Variants in GAPVD1 observed in about 807,000 individuals in gnomAD.
GAPVD1 encodes the protein GTPase-activating protein and VPS9 domain-containing protein 1.
Under a neutral mutation model 155.5 loss-of-function variants are expected in GAPVD1, and 35 were observed. The ratio of observed to expected loss-of-function variants is 0.23; its 90% CI spans 0.17 to 0.30. The LOEUF is 0.30. GAPVD1 is among the 10% of genes least tolerant of loss of function. GAPVD1 has a pLI of 1.00. For missense variants in GAPVD1, 1,429 were observed against 1,775.7 expected (o/e 0.80, Z 3.51); for synonymous variants, 636 against 619.7 (o/e 1.03, Z -0.39).
At chr9:125,298,373 C>T (rs1840216801) in intron 3 of GAPVD1, among the ~76,000 whole-genome samples, 1 of 150,742 alleles carries the variant, frequency 6.6e-6, no homozygotes, top group South Asian at 2.1e-4. Context: ...TTTCTTTTTG[C>T]TTATCTGTAT....
At position 125,366,127 on chromosome 9, in the gene GAPVD1, A is replaced by T. The variant is rs185353097; in HGVS notation, c.*3381A>T. On this transcript the variant is annotated 3_prime_UTR_variant, in exon 28 of 28. Transcript: ENST00000297933. ...GGCTCAGGTTTTCTAAGGGATTGCA[A>T]ATGTGCTGCATGGTTTTTCTATTCC... is the stretch of plus-strand genomic sequence containing the variant. 7.4e-4 allele frequency: 112 copies of T among 152,276 alleles called. 1 individual carries two copies. The highest frequency in any genetic ancestry group is 2.6e-3 in the African/African-American group (107 of 41,556). The allele number at this position is 152,276 out of a possible 1,614,324, so 9.4% of individuals were successfully genotyped here. A position where few individuals can be genotyped will look rare whatever the true frequency, so the allele number is the denominator to read the frequency against.
At chr9:125,309,354 G>A (rs1289937997) in intron 8 of GAPVD1, 2 of 150,904 alleles carry the variant, frequency 1.3e-5, no homozygotes, top group African/African-American at 4.9e-5. Context: ...TTTTTTTTGA[G>A]ATGGAGTCCC....
rs1393939922 is a variant in GAPVD1, at chr9:125,299,306, A to G, written c.185+200A>G. Among the ~76,000 whole-genome samples the G allele has an allele frequency of 2.0e-5, 3 of 152,218 alleles. No individual in the cohort carries two copies. In the East Asian group the frequency reaches 5.8e-4, roughly 29 times the overall value. ...CTTAGGCACTTTTATAGAAAATTGT[A>G]ACTTAAGCATTGACATTTTATATCA... is the stretch of plus-strand genomic sequence containing the variant. On this transcript the variant is annotated intron_variant, in intron 4 of 27. Transcript: ENST00000297933.
At chr9:125,308,208 T>G in intron 8 of GAPVD1, 1 of 354,434 alleles carries the variant, frequency 2.8e-6, no homozygotes, top group Non-Finnish European at 5.1e-6. Context: ...CAGCCTGGTG[T>G]GGTGGCACGT....
chr9:125,283,637 A>T (rs1250010548), intron 2 of GAPVD1, among the ~76,000 whole-genome samples: 1 of 152,100 alleles, frequency 6.6e-6, no homozygotes. Flanking sequence ...TGTTGGGATT[A>T]TAGGTCTGAG....
intron 2 of GAPVD1, among the ~76,000 whole-genome samples, chr9:125,288,591 G>A (rs1047985757): frequency 5.9e-5 from 9 of 151,586 alleles, no homozygotes; most frequent in African/African-American, 1.7e-4. Context: ...TCCCCAGGGT[G>A]GTCTTGAATT....
At chr9:125,264,984 G>A (rs1452491185) in intron 1 of GAPVD1, among the ~76,000 whole-genome samples, 1 of 152,140 alleles carries the variant, frequency 6.6e-6, no homozygotes. Flanking sequence ...CCCCCAGAGT[G>A]CTAGGATTAT....
chr9:125,265,900 C>G, intron 1 of GAPVD1, among the ~76,000 whole-genome samples: 1 of 134,464 alleles, frequency 7.4e-6, no homozygotes, highest in Non-Finnish European at 1.6e-5. Context: ...AGACCCCTGT[C>G]TCTATTAAAA....
chr9:125,342,119 C>A, intron 18 of GAPVD1, 100 bp from the exon 19 acceptor site: 2 of 649,616 alleles, frequency 3.1e-6, no homozygotes, highest in Non-Finnish European at 5.5e-6. Flanking sequence ...AGCTTTTAAA[C>A]TTTTCAGCCT....
chr9:125,332,175 A>G, intron 14 of GAPVD1, 115 bp downstream of exon 14: 1 of 1,054,436 alleles, frequency 9.5e-7, no homozygotes, highest in East Asian at 2.6e-5. Context: ...AGTAATTTCC[A>G]GAAAACAAAC....
intron 2 of GAPVD1, among the ~76,000 whole-genome samples, chr9:125,282,241 T>C (rs1836911320): frequency 6.6e-6 from 1 of 152,168 alleles, no homozygotes; most frequent in Admixed American, 6.5e-5. Context: ...ATCACGCCAC[T>C]GCACTCCAGC....
At chr9:125,346,570 T>G (rs1206702190) in intron 19 of GAPVD1, 2 of 536,910 alleles carry the variant, frequency 3.7e-6, no homozygotes, top group African/African-American at 1.9e-5. Context: ...GCCCTGAACT[T>G]TGACACTGTC....
chr9:125,276,094 C>T lies in GAPVD1; in HGVS notation c.-150+7110C>T, dbSNP rs115595631. ...TTGACATCTTCCAGAATTCTGTTGTCGTCACAAGAAGTCTGTTGTGTTGAT... is the reference window on the plus strand; with the variant it reads ...TTGACATCTTCCAGAATTCTGTTGTTGTCACAAGAAGTCTGTTGTGTTGAT... On this transcript the variant is annotated intron_variant, in intron 2 of 27. Coordinates refer to ENST00000297933, the MANE Select transcript of GAPVD1 (RefSeq NM_001282680.3). Among the ~76,000 whole-genome samples the T allele has an allele frequency of 6.0e-3, 908 of 152,282 alleles. 15 individuals are homozygous for T. Among genetic ancestry groups the T allele is most frequent in the African/African-American group, 0.02 (850 of 41,582 alleles).
chr9:125,310,843 CT>C (rs879486917), intron 8 of GAPVD1, among the ~76,000 whole-genome samples: 2,453 of 118,704 alleles, frequency 0.021, 92 homozygotes, highest in East Asian at 0.1. Context: ...CAGCCTTCTT[CT>C]TTTTTTTTTT....
chr9:125,309,079 C>T (rs1379020846), intron 8 of GAPVD1: 1 of 152,164 alleles, frequency 6.6e-6, no homozygotes, highest in East Asian at 1.9e-4. Context: ...ACTTAGTGAA[C>T]ATAGTTCTTT....
At position 125,364,492 on chromosome 9, in the gene GAPVD1, C is replaced by A. The variant is rs1411321562; in HGVS notation, c.*1746C>A. On this transcript the variant is annotated 3_prime_UTR_variant, in exon 28 of 28. Coordinates refer to ENST00000297933, the MANE Select transcript of GAPVD1 (RefSeq NM_001282680.3). ...ATCTCCTGACCTCGTGATCCACCCGCCTTGGCCTCCCAAAGTGCGGGATTA... is the reference window on the plus strand; with the variant it reads ...ATCTCCTGACCTCGTGATCCACCCGACTTGGCCTCCCAAAGTGCGGGATTA... The A allele has an allele frequency of 5.3e-5, 8 of 152,214 alleles. No individual in the cohort carries two copies. The highest frequency in any genetic ancestry group is 1.7e-4 in the African/African-American group (7 of 41,444). The allele number at this position is 152,214 out of a possible 1,614,324, so 9.4% of individuals were successfully genotyped here.
At chr9:125,274,158 C>T (rs1319142730) in intron 2 of GAPVD1, among the ~76,000 whole-genome samples, 1 of 151,490 alleles carries the variant, frequency 6.6e-6, no homozygotes, top group Non-Finnish European at 1.5e-5. Flanking sequence ...GCTGTGATTA[C>T]AGGCTAACGC....
chr9:125,274,463 CT>C (rs1161944755), intron 2 of GAPVD1, among the ~76,000 whole-genome samples: 561 of 137,906 alleles, frequency 4.1e-3, no homozygotes, highest in East Asian at 7.9e-3. Flanking sequence ...GCGCTTTGTA[CT>C]TTTTTTTTTT....
chr9:125,299,661 AG>A (rs1238748861), intron 4 of GAPVD1, among the ~76,000 whole-genome samples: 1 of 150,886 alleles, frequency 6.6e-6, no homozygotes, highest in East Asian at 2.0e-4. Context: ...TCTCCTCAAA[AG>A]AAAAAAAAAA....
Sources: gnomAD v4.1 joint callset for allele counts (sites outside exome capture counted in the v4.1 genomes callset) on GRCh38, gnomAD v4.1.1 for gene constraint, MANE v1.5 for transcripts, NCBI Gene and HGNC (gene_info 2026-07-23, HGNC 2026-07-21) for gene names.